CRB1: variants seen among roughly 807,000 people sequenced by gnomAD.
CRB1 encodes protein crumbs homolog 1.
A neutral mutation model predicts 120.0 loss-of-function variants in CRB1; 83 were observed. The ratio of observed to expected loss-of-function variants is 0.69; its 90% CI spans 0.58 to 0.83. The LOEUF is 0.83. Ranked by LOEUF, CRB1 falls within the 40% of genes least tolerant of loss-of-function variation. The probability of loss-of-function intolerance (pLI) is 0.00; values close to 1 mark genes in which losing one functional copy is unlikely to be tolerated. For missense variants in CRB1, 1,699 were observed against 1,687.6 expected (o/e 1.01, Z -0.12); for synonymous variants, 625 against 612.5 (o/e 1.02, Z -0.30).
chr1:197,249,750 T>C, the CRB1 span, among the ~76,000 whole-genome samples: 1 of 151,894 alleles, frequency 6.6e-6, no homozygotes, highest in Non-Finnish European at 1.5e-5. Context: ...GGCAGAAAAT[T>C]AGGACCTAAA....
intron 11 of CRB1, among the ~76,000 whole-genome samples, chr1:197,466,945 G>C (rs1330593006): frequency 6.6e-6 from 1 of 152,202 alleles, no homozygotes; most frequent in Admixed American, 6.5e-5. Context: ...CAGGCAGGCA[G>C]GGTCAGGGCC....
intron 1 of CRB1, among the ~76,000 whole-genome samples, chr1:197,296,477 T>C (rs1656527648): frequency 6.6e-6 from 1 of 152,126 alleles, no homozygotes; most frequent in Non-Finnish European, 1.5e-5. Flanking sequence ...CATATTTTCT[T>C]GTATCAAAAC....
At chr1:197,363,344 T>C (rs1399633524) in intron 5 of CRB1, among the ~76,000 whole-genome samples, 2 of 152,250 alleles carry the variant, frequency 1.3e-5, no homozygotes, top group East Asian at 3.9e-4. Flanking sequence ...AATCATTTTA[T>C]TTAGGTTTAC....
rs75297276 is a variant in CRB1, at chr1:197,327,523, A to T, written c.71-899A>T. Among the ~76,000 whole-genome samples the T allele has an allele frequency of 2.8e-3, 425 of 152,338 alleles. 4 individuals carry two copies. Among genetic ancestry groups the T allele is most frequent in the African/African-American group, 9.6e-3 (400 of 41,574 alleles). On this transcript the variant is annotated intron_variant, in intron 1 of 11. Coordinates refer to ENST00000367400, the MANE Select transcript of CRB1 (RefSeq NM_201253.3). ...AGTCAATTTAATTATTAGAAAATAC[A>T]TACACACAGATGCATACACACACAC...
chr1:197,358,066 C>T (rs1041275251), intron 5 of CRB1: 1 of 152,092 alleles, frequency 6.6e-6, no homozygotes, highest in African/African-American at 2.4e-5. Context: ...TGAAATAAAT[C>T]TTGTAATATA....
chr1:197,229,142 TC>T, the CRB1 span, among the ~76,000 whole-genome samples: 1 of 152,134 alleles, frequency 6.6e-6, no homozygotes, highest in South Asian at 2.1e-4. Context: ...ATCTTGGACT[TC>T]CAGCCTCCAG....
the CRB1 span, among the ~76,000 whole-genome samples, chr1:197,256,803 A>AT: frequency 2.6e-5 from 4 of 151,616 alleles, no homozygotes; most frequent in African/African-American, 9.7e-5. Flanking sequence ...TTAAAGTATA[A>AT]TAAAAAAAAA....
intron 5 of CRB1, among the ~76,000 whole-genome samples, chr1:197,405,951 TG>T (rs1174125638): frequency 1.1e-3 from 157 of 143,416 alleles, no homozygotes; most frequent in East Asian, 6.2e-3. Flanking sequence ...GGGAGGGAGG[TG>T]GGGGGGTCAG....
chr1:197,235,698 G>A, the CRB1 span, among the ~76,000 whole-genome samples: 2 of 152,206 alleles, frequency 1.3e-5, no homozygotes. Flanking sequence ...TAAATAAATG[G>A]TGGTTGTGTT....
the CRB1 span, among the ~76,000 whole-genome samples, chr1:197,239,362 A>G: frequency 2.0e-5 from 3 of 152,086 alleles, no homozygotes; most frequent in Non-Finnish European, 4.4e-5. Context: ...TTTGTCTTTC[A>G]AGTTCTATCA....
rs779253997 is a variant in CRB1 at position 197,435,206 on chromosome 1, G to C, written c.3343G>C (p.Gly1115Arg). The change falls in exon 9 of 12, where the codon GGT becomes CGT. Residue 1115 changes from glycine to arginine, a missense_variant. Physicochemically the swap from Gly to Arg is moderately radical, Grantham distance 125 (BLOSUM62 -2). Coordinates refer to ENST00000367400, the MANE Select transcript of CRB1 (RefSeq NM_201253.3). ...TCTCTCTTACTTTGAAAATGTTCAT[G>C]GTTTCATTAATAAACCTCAGGAAGA... Reference protein sequence around the residue: ...IYLSYFENVHGFINKPQEEQF... With the variant: ...IYLSYFENVHRFINKPQEEQF... 9 of 1,613,756 alleles carry C rather than the reference G, an allele frequency of 5.6e-6. No homozygotes were observed. The African/African-American group carries it at 9.3e-5, about 17-fold the overall frequency.
chr1:197,225,947 G>T, the CRB1 span, among the ~76,000 whole-genome samples: 23 of 151,890 alleles, frequency 1.5e-4, no homozygotes, highest in African/African-American at 5.3e-4. Context: ...TGTCACTCAG[G>T]CTGGAGTGCA....
chr1:197,420,969 A>T, intron 5 of CRB1, 31 bp from the exon 6 acceptor site: 1 of 1,309,370 alleles, frequency 7.6e-7, no homozygotes, highest in Non-Finnish European at 1.1e-6. Flanking sequence ...GTGAATATAT[A>T]TAATTTTAGC....
intron 5 of CRB1, among the ~76,000 whole-genome samples, chr1:197,366,776 T>A (rs1392673244): frequency 6.6e-6 from 1 of 152,208 alleles, no homozygotes; most frequent in Non-Finnish European, 1.5e-5. Context: ...CAAGTTACCA[T>A]GGCCCAGAGA....
chr1:197,428,915 A>G (rs989599041), intron 7 of CRB1: 166 of 1,495,200 alleles, frequency 1.1e-4, no homozygotes, highest in Non-Finnish European at 1.2e-4. Context: ...TTCATTTTGA[A>G]TACTTTTTGT....
At chr1:197,325,642 A>G (rs1337484482) in intron 1 of CRB1, among the ~76,000 whole-genome samples, 2 of 152,158 alleles carry the variant, frequency 1.3e-5, no homozygotes, top group African/African-American at 4.8e-5. Context: ...ATTCCATACC[A>G]CAGGTGACAT....
intron 5 of CRB1, among the ~76,000 whole-genome samples, chr1:197,373,142 TC>T (rs762476270): frequency 1.3e-5 from 2 of 152,118 alleles, no homozygotes; most frequent in Non-Finnish European, 2.9e-5. Flanking sequence ...TCTCCAATCA[TC>T]TGCTCATACC....
At chr1:197,395,486 C>G (rs1662726213) in intron 5 of CRB1, among the ~76,000 whole-genome samples, 1 of 152,072 alleles carries the variant, frequency 6.6e-6, no homozygotes, top group Admixed American at 6.6e-5. Flanking sequence ...AGCAGATTAC[C>G]TGGAAATAAG....
intron 1 of CRB1, among the ~76,000 whole-genome samples, chr1:197,327,108 A>C (rs796829034): frequency 0.021 from 1,569 of 73,992 alleles, 18 homozygotes; most frequent in African/African-American, 0.052. Context: ...AAAAAAAAAA[A>C]AAAAAAAAAA....
Sources: allele counts gnomAD v4.1 joint callset (sites outside exome capture counted in the v4.1 genomes callset), GRCh38; gene constraint gnomAD v4.1.1; transcripts MANE v1.5; gene names NCBI Gene and HGNC (gene_info 2026-07-23, HGNC 2026-07-21).